Variants in PTPRR observed in about 807,000 individuals in gnomAD.
PTPRR encodes the protein protein tyrosine phosphatase receptor type R.
PTPRR carries 38 observed loss-of-function variants against 77.2 expected under a neutral mutation model. The ratio of observed to expected loss-of-function variants is 0.49; its 90% CI spans 0.38 to 0.65. PTPRR has a LOEUF of 0.65. Ranked by LOEUF, PTPRR falls within the 30% of genes least tolerant of loss-of-function variation. PTPRR has a pLI of 0.00. For missense variants in PTPRR, 744 were observed against 799.2 expected (o/e 0.93, Z 0.83); for synonymous variants, 299 against 283.1 (o/e 1.06, Z -0.57).
At chr12:70,792,034 A>C (rs1054005516) in intron 2 of PTPRR, among the ~76,000 whole-genome samples, 5 of 152,204 alleles carry the variant, frequency 3.3e-5, no homozygotes, top group African/African-American at 1.2e-4. Flanking sequence ...ATAGCACACC[A>C]GTTAAGTGCT....
intron 2 of PTPRR, among the ~76,000 whole-genome samples, chr12:70,770,460 A>G (rs1019224972): frequency 3.3e-5 from 5 of 152,190 alleles, no homozygotes; most frequent in Non-Finnish European, 5.9e-5. Flanking sequence ...CCACAATGAG[A>G]TACCATCTCA....
At chr12:70,918,899 A>T (rs991439543) in intron 1 of PTPRR, among the ~76,000 whole-genome samples, 2 of 152,232 alleles carry the variant, frequency 1.3e-5, no homozygotes, top group African/African-American at 4.8e-5. Flanking sequence ...GTAACGAAAT[A>T]ATTCACTACA....
chr12:70,876,564 GAAC>G (rs1893055366), intron 2 of PTPRR, among the ~76,000 whole-genome samples: 1 of 151,982 alleles, frequency 6.6e-6, no homozygotes, highest in African/African-American at 2.4e-5. Flanking sequence ...CCAATTTTCA[GAAC>G]AATACAAATT....
At chr12:70,806,706 T>C (rs1174725043) in intron 2 of PTPRR, among the ~76,000 whole-genome samples, 4 of 152,198 alleles carry the variant, frequency 2.6e-5, no homozygotes, top group Non-Finnish European at 5.9e-5. Flanking sequence ...TGCCTTTCCA[T>C]TGTTTATTCT....
chr12:70,828,139 A>C (rs2137047721), intron 2 of PTPRR, among the ~76,000 whole-genome samples: 1 of 152,330 alleles, frequency 6.6e-6, no homozygotes, highest in African/African-American at 2.4e-5. Flanking sequence ...TCTGAGGGAC[A>C]TACATATTCA....
intron 2 of PTPRR, among the ~76,000 whole-genome samples, chr12:70,858,127 C>T (rs1892684205): frequency 6.6e-6 from 1 of 152,076 alleles, no homozygotes; most frequent in East Asian, 1.9e-4. Context: ...AGTTTTTGCT[C>T]TTTGGTTCCT....
intron 10 of PTPRR, among the ~76,000 whole-genome samples, chr12:70,682,103 G>A (rs1286631380): frequency 6.7e-4 from 95 of 141,774 alleles, no homozygotes; most frequent in African/African-American, 2.2e-3. Flanking sequence ...GAGTGCAGTG[G>A]CGCGATCTCG....
chr12:70,666,436 A>C (rs182655426), intron 10 of PTPRR, among the ~76,000 whole-genome samples: 104 of 152,324 alleles, frequency 6.8e-4, no homozygotes, highest in Admixed American at 4.1e-3. Flanking sequence ...TTTTTATACC[A>C]AAACACCTTT....
At chr12:70,909,921 T>C (rs1249537741) in intron 1 of PTPRR, among the ~76,000 whole-genome samples, 1 of 152,194 alleles carries the variant, frequency 6.6e-6, no homozygotes, top group African/African-American at 2.4e-5. Flanking sequence ...ATTTAGTTTC[T>C]TCAACATGAA....
At chr12:70,688,647 A>G (rs1887954026) in intron 8 of PTPRR, among the ~76,000 whole-genome samples, 2 of 152,180 alleles carry the variant, frequency 1.3e-5, no homozygotes, top group African/African-American at 4.8e-5. Context: ...CTCAAAAACT[A>G]TGAATGAACT....
chr12:70,723,114 G>T (rs76619272), intron 6 of PTPRR, among the ~76,000 whole-genome samples: 23 of 152,322 alleles, frequency 1.5e-4, no homozygotes, highest in African/African-American at 5.3e-4. Flanking sequence ...GATGGGTGGA[G>T]CATGAACAGC....
At chr12:70,746,787 T>C (rs956861135) in intron 5 of PTPRR, among the ~76,000 whole-genome samples, 5 of 151,886 alleles carry the variant, frequency 3.3e-5, no homozygotes, top group Non-Finnish European at 7.4e-5. Context: ...GAGCTCTCCT[T>C]AAGGGAAAAG....
rs61539990 is a variant in PTPRR at position 70,821,213 on chromosome 12, C to CTTTTTTTTTTTTTTTTTTTTTTTTTT, written c.358-56461_358-56436dup. ...CAAAACATGTTGAAAGGGATCACTG[C>CTTTTTTTTTTTTTTTTTTTTTTTTTT]TTTTTTTTTTTTTTTTTTTTTTTTT... On this transcript the variant is annotated intron_variant, in intron 2 of 13. Coordinates refer to ENST00000283228, the MANE Select transcript of PTPRR (RefSeq NM_002849.4). 1.7e-3 allele frequency among the ~76,000 whole-genome samples: 55 copies of CTTTTTTTTTTTTTTTTTTTTTTTTTT among 31,990 alleles called. 16 individuals are homozygous for CTTTTTTTTTTTTTTTTTTTTTTTTTT. The highest frequency in any genetic ancestry group is 0.011 in the East Asian group (5 of 438). 21.0% of individuals were successfully genotyped at this position (31,990 alleles called of 152,430 possible).
chr12:70,859,897 T>G (rs1892722853), intron 2 of PTPRR, among the ~76,000 whole-genome samples: 1 of 152,108 alleles, frequency 6.6e-6, no homozygotes, highest in Non-Finnish European at 1.5e-5. Flanking sequence ...AAAAACATTT[T>G]GATTGATCTC....
intron 2 of PTPRR, among the ~76,000 whole-genome samples, chr12:70,855,768 G>T (rs10879205): frequency 0.52 from 78,282 of 152,000 alleles, 20,473 homozygotes; most frequent in East Asian, 0.6. Flanking sequence ...AAAGTTATTC[G>T]TTTTTAAGGC....
intron 5 of PTPRR, among the ~76,000 whole-genome samples, chr12:70,749,187 A>T (rs1399283419): frequency 6.6e-6 from 1 of 152,154 alleles, no homozygotes; most frequent in Non-Finnish European, 1.5e-5. Context: ...AACAACAACC[A>T]CAGTTTGACT....
chr12:70,808,507 G>A (rs1020750555), intron 2 of PTPRR, among the ~76,000 whole-genome samples: 3 of 152,082 alleles, frequency 2.0e-5, no homozygotes, highest in Admixed American at 6.6e-5. Flanking sequence ...TGGACACCCA[G>A]CTTTAAAATT....
intron 13 of PTPRR, among the ~76,000 whole-genome samples, chr12:70,650,300 G>A (rs943732627): frequency 1.3e-5 from 2 of 151,812 alleles, no homozygotes; most frequent in African/African-American, 4.8e-5. Flanking sequence ...AAAATTAGCC[G>A]GGAGTAATCC....
chr12:70,740,139 A>G lies in PTPRR; in HGVS notation c.1007+5679T>C, dbSNP rs569441077. On this transcript the variant is annotated intron_variant, in intron 6 of 13. Transcript: ENST00000283228. Reference sequence around the variant, plus strand: ...GGGGGAAAGAGAATTAGATGCAGACAGATAAGATGAAATAAAATAATATAT... The same window carrying G: ...GGGGGAAAGAGAATTAGATGCAGACGGATAAGATGAAATAAAATAATATAT... Among the ~76,000 whole-genome samples the G allele has an allele frequency of 1.4e-3, 215 of 152,316 alleles. 1 individual carries two copies. The highest frequency in any genetic ancestry group is 4.9e-3 in the African/African-American group (202 of 41,568).
Sources: allele counts gnomAD v4.1 joint callset (sites outside exome capture counted in the v4.1 genomes callset), GRCh38; gene constraint gnomAD v4.1.1; transcripts MANE v1.5; gene names NCBI Gene and HGNC (gene_info 2026-07-23, HGNC 2026-07-21).